Variants in CEP170 observed in about 807,000 individuals in gnomAD.
The protein encoded by CEP170 is centrosomal protein of 170 kDa.
A neutral mutation model predicts 151.9 loss-of-function variants in CEP170; 21 were observed. The ratio of observed to expected loss-of-function variants is 0.14; its 90% confidence interval spans 0.10 to 0.20. CEP170 has a LOEUF of 0.20. CEP170 is among the 10% of genes least tolerant of loss of function. The pLI, the probability that CEP170 is intolerant of heterozygous loss-of-function variation, is 1.00. For missense variants in CEP170, 964 were observed against 1,892.9 expected (o/e 0.51, Z 9.11); for synonymous variants, 356 against 648.8 (o/e 0.55, Z 6.86).
intron 14 of CEP170, 88 bp downstream of exon 14, chr1:243,156,133 T>C (rs1053632461): frequency 1.4e-5 from 20 of 1,440,302 alleles, no homozygotes; most frequent in Admixed American, 7.5e-5. Flanking sequence ...AGACTATTAG[T>C]AAAAATCAAG....
intron 13 of CEP170, among the ~76,000 whole-genome samples, chr1:243,160,911 T>C (rs1009545781): frequency 6.6e-6 from 1 of 151,208 alleles, no homozygotes; most frequent in Non-Finnish European, 1.5e-5. Context: ...TTTTCTAAAA[T>C]GTGCACTTAA....
chr1:243,187,138 C>T (rs1194651507), intron 8 of CEP170, among the ~76,000 whole-genome samples: 4 of 152,160 alleles, frequency 2.6e-5, no homozygotes, highest in African/African-American at 7.2e-5. Context: ...CCACCTAGAT[C>T]TAAGGACCAC....
chr1:243,243,168 A>G (rs1045143421), intron 1 of CEP170, among the ~76,000 whole-genome samples: 1 of 152,096 alleles, frequency 6.6e-6, no homozygotes, highest in Non-Finnish European at 1.5e-5. Context: ...GGGCTGCAGT[A>G]GGCTATGATC....
At chr1:243,134,664 A>G (rs907752129) in intron 17 of CEP170, among the ~76,000 whole-genome samples, 1 of 135,732 alleles carries the variant, frequency 7.4e-6, no homozygotes, top group Non-Finnish European at 1.6e-5. Flanking sequence ...TGCCCAGCCA[A>G]TTTTTTTTTT....
At chr1:243,208,854 T>C (rs2061587796) in intron 4 of CEP170, among the ~76,000 whole-genome samples, 2 of 152,068 alleles carry the variant, frequency 1.3e-5, no homozygotes, top group South Asian at 4.1e-4. Flanking sequence ...ATCTATTTTA[T>C]TCACAGTTAT....
intron 8 of CEP170, 95 bp downstream of exon 8, chr1:243,190,923 T>G: frequency 1.4e-6 from 2 of 1,439,148 alleles, no homozygotes; most frequent in Non-Finnish European, 1.8e-6. Context: ...GCAGAATGTT[T>G]TCTACCATGT....
Position 243,125,424 on chromosome 1 carries a change from C to T in CEP170, c.*1025G>A, listed in dbSNP as rs2053621371. ...AGCAATTCATTGCTTGGGAGTGAAA[C>T]TATCAACTAATCTTACGACTACTGG... On this transcript the variant is annotated 3_prime_UTR_variant, in exon 20 of 20. Coordinates refer to ENST00000366542, the MANE Select transcript of CEP170 (RefSeq NM_014812.3). 1 of 152,652 alleles carries T rather than the reference C, an allele frequency of 6.6e-6. No individual in the cohort carries two copies. Among genetic ancestry groups the T allele is most frequent in the Admixed American group, 6.5e-5 (1 of 15,286 alleles). The allele number at this position is 152,652 out of a possible 1,614,324, so 9.5% of individuals were successfully genotyped here.
At position 243,216,265 on chromosome 1, in the gene CEP170, A is replaced by G. The variant is rs188830373; in HGVS notation, c.196-4301T>C. On this transcript the variant is annotated intron_variant, in intron 3 of 19. Transcript: ENST00000366542. The stretch of plus-strand genomic sequence containing the variant: ...TGTGCACAATGTGCAGGTTAGTTAC[A>G]TATGTATACATGTGCCATGCTGGTG... 1.3e-3 allele frequency among the ~76,000 whole-genome samples: 196 copies of G among 152,160 alleles called. 2 individuals carry two copies. The highest frequency in any genetic ancestry group is 4.5e-3 in the African/African-American group (186 of 41,504).
chr1:243,219,648 A>G (rs550097157), intron 3 of CEP170, among the ~76,000 whole-genome samples: 2 of 152,372 alleles, frequency 1.3e-5, no homozygotes, highest in African/African-American at 2.4e-5. Context: ...ATAACAATGT[A>G]AAGACATACA....
chr1:243,195,511 C>T (rs1184098540), intron 7 of CEP170, among the ~76,000 whole-genome samples: 1 of 151,828 alleles, frequency 6.6e-6, no homozygotes, highest in African/African-American at 2.4e-5. Flanking sequence ...TATGAACCCA[C>T]AGAGAGGAAC....
intron 10 of CEP170, among the ~76,000 whole-genome samples, chr1:243,177,311 TA>T (rs1193493097): frequency 6.6e-6 from 1 of 152,238 alleles, no homozygotes; most frequent in East Asian, 1.9e-4. Flanking sequence ...TTTATTAGTT[TA>T]AAAAATATCC....
At chr1:243,160,610 C>T (rs1253259067) in intron 13 of CEP170, among the ~76,000 whole-genome samples, 1 of 152,032 alleles carries the variant, frequency 6.6e-6, no homozygotes, top group African/African-American at 2.4e-5. Context: ...ATTTTGCAAA[C>T]ACGCTTCAGA....
intron 8 of CEP170, among the ~76,000 whole-genome samples, chr1:243,190,183 T>C (rs2060219877): frequency 6.6e-6 from 1 of 152,206 alleles, no homozygotes; most frequent in Non-Finnish European, 1.5e-5. Context: ...AAACTCCTAA[T>C]ATAGTAACAG....
chr1:243,253,074 A>G (rs2066093709), intron 1 of CEP170: 1 of 152,192 alleles, frequency 6.6e-6, no homozygotes, highest in African/African-American at 2.4e-5. Flanking sequence ...AATACTATTG[A>G]TTTTCAAGAA....
At chr1:243,239,963 A>G (rs985577002) in intron 1 of CEP170, among the ~76,000 whole-genome samples, 1 of 152,226 alleles carries the variant, frequency 6.6e-6, no homozygotes, top group Non-Finnish European at 1.5e-5. Flanking sequence ...AAGTTTTATC[A>G]ATAGGCCAAT....
intron 3 of CEP170, among the ~76,000 whole-genome samples, chr1:243,218,258 C>CA (rs1388818845): frequency 6.6e-6 from 1 of 152,216 alleles, no homozygotes; most frequent in Non-Finnish European, 1.5e-5. Flanking sequence ...AAAGGGGACA[C>CA]AGTGTGTCTG....
At position 243,128,438 on chromosome 1, in the gene CEP170, A is replaced by G. The variant is rs1352871128; in HGVS notation, c.4414-138T>C. On this transcript the variant is annotated intron_variant, in intron 18 of 19. Transcript: ENST00000366542. The stretch of plus-strand genomic sequence containing the variant: ...TACTTACTACATTAATAGCAACATG[A>G]TATGAAATAATTATGATATCTAGCA... The G allele has an allele frequency of 1.3e-5, 7 of 544,292 alleles. No individual in the cohort carries two copies. The Middle Eastern group carries it at 1.2e-3, about 95-fold the overall frequency. 33.7% of individuals were successfully genotyped at this position (544,292 alleles called of 1,614,324 possible). A position where few individuals can be genotyped will look rare whatever the true frequency, so the allele number is the denominator to read the frequency against.
At chr1:243,221,320 GC>G (rs1375578851) in intron 3 of CEP170, among the ~76,000 whole-genome samples, 3 of 152,196 alleles carry the variant, frequency 2.0e-5, no homozygotes, top group East Asian at 1.9e-4. Context: ...ACCGCGCCCG[GC>G]CCCAGCTCCA....
rs1370387561 is a variant in CEP170, at chr1:243,129,929, C to A, written c.4320-476G>T. On this transcript the variant is annotated intron_variant, in intron 17 of 19. Transcript: ENST00000366542. ...TTTACAGTATATTGTTACAAATGTT[C>A]TATTTTATTATTAGTTACTATTGTT... 2.6e-5 allele frequency among the ~76,000 whole-genome samples: 4 copies of A among 151,764 alleles called. No individual in the cohort carries two copies. In the East Asian group the frequency reaches 5.8e-4, roughly 22 times the overall value.
Sources: gnomAD v4.1 joint callset for allele counts (sites outside exome capture counted in the v4.1 genomes callset) on GRCh38, gnomAD v4.1.1 for gene constraint, MANE v1.5 for transcripts, NCBI Gene and HGNC (gene_info 2026-07-23, HGNC 2026-07-21) for gene names.